The following LMBRD2 variants were observed in gnomAD, a reference collection of about 807,000 sequenced individuals.
LMBRD2 encodes LMBR1 domain containing 2.
Under a neutral mutation model 94.4 loss-of-function variants are expected in LMBRD2, and 55 were observed. The ratio of observed to expected loss-of-function variants is 0.58; its 90% CI spans 0.47 to 0.73. LMBRD2 has a LOEUF of 0.73. Among genes scored for constraint, LMBRD2 ranks in the 30% least tolerant of loss-of-function variants. The pLI is 0.00. For missense variants in LMBRD2, 640 were observed against 831.9 expected (o/e 0.77, Z 2.84); for synonymous variants, 246 against 272.4 (o/e 0.90, Z 0.95).
chr5:36,126,467 T>C (rs901507344), intron 6 of LMBRD2, among the ~76,000 whole-genome samples: 3 of 152,220 alleles, frequency 2.0e-5, no homozygotes, highest in Non-Finnish European at 4.4e-5. Flanking sequence ...CTTTGAGCTC[T>C]TTCATTACTG....
intron 15 of LMBRD2, among the ~76,000 whole-genome samples, chr5:36,109,397 T>A (rs930749063): frequency 6.6e-6 from 1 of 152,116 alleles, no homozygotes. Flanking sequence ...TATATGAAGA[T>A]ACACAAAGAC....
chr5:36,124,924 CTAAATAAA>C (rs548731318), intron 6 of LMBRD2, among the ~76,000 whole-genome samples: 57 of 151,366 alleles, frequency 3.8e-4, no homozygotes, highest in Admixed American at 7.2e-4. Flanking sequence ...AACCTGGTCT[CTAAATAAA>C]TAAATAAATA....
At chr5:36,139,562 G>T (rs976959004) in intron 4 of LMBRD2, among the ~76,000 whole-genome samples, 1 of 152,182 alleles carries the variant, frequency 6.6e-6, no homozygotes, top group Non-Finnish European at 1.5e-5. Context: ...ATCCAGGTCT[G>T]CCTATGGCCC....
intron 3 of LMBRD2, 83 bp downstream of exon 3, chr5:36,142,419 A>T (rs1744431622): frequency 8.5e-6 from 6 of 704,456 alleles, no homozygotes; most frequent in Admixed American, 4.9e-5. Context: ...ACATAAATAT[A>T]AAGTCTGGAT....
Position 36,099,511 on chromosome 5 carries a change from C to A in LMBRD2, c.*4535G>T, listed in dbSNP as rs551768625. On this transcript the variant is annotated 3_prime_UTR_variant, in exon 18 of 18. Coordinates refer to ENST00000296603, the MANE Select transcript of LMBRD2 (RefSeq NM_001007527.2). ...TATGCTAAGTACGGAAGATGCTTGCCAGCATTGTTGAGAAATGCAGTTCCA... is the reference window on the plus strand; with the variant it reads ...TATGCTAAGTACGGAAGATGCTTGCAAGCATTGTTGAGAAATGCAGTTCCA... 3 of 152,092 alleles carry A rather than the reference C, an allele frequency of 2.0e-5. No homozygotes were observed. Among genetic ancestry groups the A allele is most frequent in the Non-Finnish European group, 4.4e-5 (3 of 67,998 alleles). The allele number at this position is 152,092 out of a possible 1,614,324, so 9.4% of individuals were successfully genotyped here. A position where few individuals can be genotyped will look rare whatever the true frequency, so the allele number is the denominator to read the frequency against.
intron 16 of LMBRD2, among the ~76,000 whole-genome samples, chr5:36,107,895 T>G (rs1386561601): frequency 6.6e-6 from 1 of 152,172 alleles, no homozygotes; most frequent in Non-Finnish European, 1.5e-5. Flanking sequence ...GTGGAGCTTT[T>G]CAGCAATCTT....
chr5:36,116,656 A>G, intron 10 of LMBRD2, 63 bp from the exon 11 acceptor site: 22 of 1,463,216 alleles, frequency 1.5e-5, no homozygotes, highest in Non-Finnish European at 2.0e-5. Context: ...CTTAACAATT[A>G]CAGGCATTAT....
chr5:36,141,891 A>G (rs900214089), intron 3 of LMBRD2, among the ~76,000 whole-genome samples: 1 of 152,182 alleles, frequency 6.6e-6, no homozygotes, highest in Non-Finnish European at 1.5e-5. Flanking sequence ...TGCATTTTAA[A>G]TTTACCTTTT....
In LMBRD2 at chr5:36,100,819, A is replaced by G. The variant is rs1581036345; in HGVS notation, c.*3227T>C. The G allele has an allele frequency of 6.6e-6, 1 of 152,100 alleles. No individual in the cohort carries two copies. The highest frequency in any genetic ancestry group is 2.4e-5 in the African/African-American group (1 of 41,450). 9.4% of individuals were successfully genotyped at this position (152,100 alleles called of 1,614,324 possible). A position where few individuals can be genotyped will look rare whatever the true frequency, so the allele number is the denominator to read the frequency against. ...TATGGTAATCAGCACACCAGCAAGA[A>G]CATTCCCTAAACCTATTAATAAGAA... On this transcript the variant is annotated 3_prime_UTR_variant, in exon 18 of 18. Transcript: ENST00000296603.
intron 15 of LMBRD2, 110 bp from the exon 16 acceptor site, chr5:36,108,749 A>G: frequency 2.2e-6 from 1 of 449,684 alleles, no homozygotes; most frequent in Admixed American, 3.9e-5. Context: ...ATTAGTAATC[A>G]ATATAATTAT....
intron 16 of LMBRD2, among the ~76,000 whole-genome samples, chr5:36,107,621 T>C (rs1316407564): frequency 6.6e-6 from 1 of 152,232 alleles, no homozygotes; most frequent in African/African-American, 2.4e-5. Context: ...TCTCTAGTAA[T>C]GAAATCCTAT....
rs1439287418 is a variant in LMBRD2, at chr5:36,136,431, T to C, written c.625A>G (p.Ile209Val). Reference sequence around the variant, plus strand: ...GCTCCATTCCAGTATGATCGAGGAATTTCCACCAAGCCATACCCCAACAAC... The same window carrying C: ...GCTCCATTCCAGTATGATCGAGGAACTTCCACCAAGCCATACCCCAACAAC... ...VLLLGYGLVE[I>V]PRSYWNGAKR... Residue 209 changes from isoleucine to valine, a missense_variant, in exon 6 of 18, where the codon ATT becomes GTT. Ile to Val is a conservative substitution (Grantham distance 29, BLOSUM62 3). This residue lies in a region of LMBRD2 where 457 missense variants were observed against 642.8 expected (regional missense o/e 0.71). Transcript: ENST00000296603. The C allele has an allele frequency of 1.9e-6, 3 of 1,613,926 alleles. No homozygotes were observed. In the African/African-American group the frequency reaches 4.0e-5, roughly 22 times the overall value.
In LMBRD2 at chr5:36,101,725, G is replaced by A. The variant is rs1374156527; in HGVS notation, c.*2321C>T. The A allele has an allele frequency of 2.6e-5, 4 of 151,714 alleles. No individual in the cohort carries two copies. The highest frequency in any genetic ancestry group is 5.9e-5 in the Non-Finnish European group (4 of 67,780). 9.4% of individuals were successfully genotyped at this position (151,714 alleles called of 1,614,324 possible). ...TGTAAGACAAATTCTGCTTAAAGTT[G>A]AATATTCTGAATCACTGAAACAACC... On this transcript the variant is annotated 3_prime_UTR_variant, in exon 18 of 18. Transcript: ENST00000296603.
At position 36,101,281 on chromosome 5, in the gene LMBRD2, G is replaced by A. The variant is rs1036973059; in HGVS notation, c.*2765C>T. 1.3e-5 allele frequency: 2 copies of A among 151,724 alleles called. No homozygotes were observed. The highest frequency in any genetic ancestry group is 2.9e-5 in the Non-Finnish European group (2 of 67,812). 9.4% of individuals were successfully genotyped at this position (151,724 alleles called of 1,614,324 possible). A position where few individuals can be genotyped will look rare whatever the true frequency, so the allele number is the denominator to read the frequency against. ...AAAGAAGTTAATTAGTAATTTAGAG[G>A]TGATTCATTAAATTAATAGATTATT... On this transcript the variant is annotated 3_prime_UTR_variant, in exon 18 of 18. Transcript: ENST00000296603.
intron 6 of LMBRD2, among the ~76,000 whole-genome samples, chr5:36,129,096 G>A (rs1744075654): frequency 1.3e-5 from 2 of 152,132 alleles, no homozygotes; most frequent in East Asian, 1.9e-4. Context: ...AATGAAAAGT[G>A]TCTACGAAAT....
intron 1 of LMBRD2, among the ~76,000 whole-genome samples, chr5:36,150,036 C>T (rs920201303): frequency 1.3e-5 from 2 of 152,074 alleles, no homozygotes; most frequent in Admixed American, 6.5e-5. Context: ...CAATTCCTTA[C>T]GTTAAAAAGA....
chr5:36,104,141 T>C, intron 17 of LMBRD2, 35 bp from the exon 18 acceptor site: 2 of 1,511,074 alleles, frequency 1.3e-6, no homozygotes, highest in African/African-American at 2.8e-5. Context: ...ATCTGAGGCA[T>C]CAAAAATAAT....
intron 13 of LMBRD2, among the ~76,000 whole-genome samples, chr5:36,113,868 C>A (rs980939131): frequency 1.3e-5 from 2 of 152,110 alleles, no homozygotes; most frequent in South Asian, 4.1e-4. Flanking sequence ...CTCACTCCTG[C>A]CTAGATTCTA....
At position 36,136,165 on chromosome 5, in the gene LMBRD2, A is replaced by G. The variant is rs1744264374; in HGVS notation, c.747+144T>C. The stretch of plus-strand genomic sequence containing the variant: ...CTGAACTGCTAAAAAGTCATCCTGG[A>G]TGAGACATCCTGAAGGATTGCACAA... On this transcript the variant is annotated intron_variant, in intron 6 of 17. Transcript: ENST00000296603. 24 of 744,414 alleles carry G rather than the reference A, an allele frequency of 3.2e-5. No individual in the cohort carries two copies. The South Asian group carries it at 3.7e-4, about 12-fold the overall frequency. 46.1% of individuals were successfully genotyped at this position (744,414 alleles called of 1,614,324 possible).
Sources: gnomAD v4.1 joint callset for allele counts (sites outside exome capture counted in the v4.1 genomes callset) on GRCh38, gnomAD v4.1.1 for gene constraint, gnomAD v4.1.1 regional missense constraint, MANE v1.5 for transcripts, NCBI Gene and HGNC (gene_info 2026-07-23, HGNC 2026-07-21) for gene names.